Variants in SDK2 observed in about 807,000 individuals in gnomAD.
SDK2 encodes the protein protein sidekick-2.
In SDK2, 105 loss-of-function variants were observed where a neutral mutation model predicts 253.9. That is an observed-to-expected ratio of 0.41 (90% CI 0.35 to 0.49). The LOEUF (loss-of-function observed/expected upper bound fraction) is 0.49. SDK2 is among the 20% of genes least tolerant of loss of function. SDK2 has a pLI of 0.06. For synonymous variants in SDK2, 1,249 were observed against 1,234.9 expected, an observed-to-expected ratio of 1.01 and a Z score of -0.24; for missense variants, 2,608 against 3,003.0, an observed-to-expected ratio of 0.87 and a Z score of 3.07.
rs542181324 is a variant in SDK2 at position 73,443,354 on chromosome 17, C to T, written c.614-2431G>A. Among the ~76,000 whole-genome samples the T allele has an allele frequency of 9.2e-5, 14 of 152,328 alleles. No homozygotes were observed. The highest frequency in any genetic ancestry group is 2.6e-4 in the African/African-American group (11 of 41,566). On this transcript the variant is annotated intron_variant, in intron 5 of 44. Coordinates refer to ENST00000392650, the MANE Select transcript of SDK2 (RefSeq NM_001144952.2). The surrounding 1 kb of genome is among the most constrained non-coding windows in gnomAD (Gnocchi z 4.6). Reference sequence around the variant, plus strand: ...TAAAAGCCTCATGTAGGTGCCATAACGAGCGATCGGATTGAAAGCTGCTGA... The same window carrying T: ...TAAAAGCCTCATGTAGGTGCCATAATGAGCGATCGGATTGAAAGCTGCTGA...
intron 1 of SDK2, among the ~76,000 whole-genome samples, chr17:73,622,075 G>A (rs1171294200): frequency 6.6e-6 from 1 of 152,208 alleles, no homozygotes. Context: ...AATTGGTACA[G>A]ACCTGGACAC....
At chr17:73,522,667 C>A (rs1008506148) in intron 1 of SDK2, among the ~76,000 whole-genome samples, 1 of 152,202 alleles carries the variant, frequency 6.6e-6, no homozygotes, top group Non-Finnish European at 1.5e-5. Flanking sequence ...TTGCTTCTCT[C>A]GCTCAATGTC....
intron 2 of SDK2, among the ~76,000 whole-genome samples, chr17:73,478,110 C>T (rs1321289007): frequency 3.3e-5 from 5 of 152,284 alleles, no homozygotes; most frequent in South Asian, 2.1e-4. Context: ...AGGGAGGAAA[C>T]GACTGTCATT....
chr17:73,604,799 T>A (rs772599912), intron 1 of SDK2, among the ~76,000 whole-genome samples: 1 of 152,060 alleles, frequency 6.6e-6, no homozygotes, highest in Non-Finnish European at 1.5e-5. Context: ...CACGCCGAGG[T>A]CCAGGAGGTC....
Position 73,395,174 on chromosome 17 carries a change from C to T in SDK2, c.3573G>A (p.Val1191=). The part of the protein sequence containing the change: ...IGSGPWSQTV[V]GRTRESVPSS... The stretch of plus-strand genomic sequence containing the variant: ...TGGTACCTGACTCCCGGGTCCTGCC[C>T]ACCACCGTCTGGCTCCAGGGCCCGC... Residue 1191 remains valine (V), a synonymous_variant, in exon 25 of 45, where the codon GTG becomes GTA. Transcript: ENST00000392650. This position sits in a 1 kb window ranked among gnomAD's most constrained non-coding sequence, Gnocchi z 4.3. 4 of 1,600,684 alleles carry T rather than the reference C, an allele frequency of 2.5e-6. No homozygotes were observed. In the Admixed American group the frequency reaches 5.2e-5, roughly 21 times the overall value.
In SDK2 at chr17:73,644,217, G is replaced by T; in HGVS notation, c.-129C>A. ...CAGTCTACGCGGCTCCGTGCCCCGG[G>T]GTGTAATATGCCCGGGAGGGGCAGC... On this transcript the variant is annotated 5_prime_UTR_variant, in exon 1 of 45. Transcript: ENST00000392650. The surrounding 1 kb of genome is among the most constrained non-coding windows in gnomAD (Gnocchi z 6.3). 1 of 735,164 alleles carries T rather than the reference G, an allele frequency of 1.4e-6. No homozygotes were observed. The highest frequency in any genetic ancestry group is 2.3e-6 in the Non-Finnish European group (1 of 431,672). The allele number at this position is 735,164 out of a possible 1,614,324, so 45.5% of individuals were successfully genotyped here.
chr17:73,342,833 A>T (rs1256836280), intron 44 of SDK2, among the ~76,000 whole-genome samples: 1 of 151,824 alleles, frequency 6.6e-6, no homozygotes, highest in Non-Finnish European at 1.5e-5. Context: ...TCCATAGTTC[A>T]CAGGGTGAAA....
At chr17:73,592,505 A>C (rs1459750693) in intron 1 of SDK2, among the ~76,000 whole-genome samples, 3 of 152,188 alleles carry the variant, frequency 2.0e-5, no homozygotes, top group Non-Finnish European at 4.4e-5. Flanking sequence ...CTTCTTCCCC[A>C]TGCCCCCGGC....
intron 1 of SDK2, among the ~76,000 whole-genome samples, chr17:73,542,589 G>A (rs1005131369): frequency 2.0e-5 from 3 of 152,152 alleles, no homozygotes; most frequent in Non-Finnish European, 2.9e-5. Flanking sequence ...CTGGGCCTCC[G>A]TCCCCTCAAC....
rs149598672 is a variant in SDK2, at chr17:73,437,539, G to A, written c.1000+200C>T. Reference sequence around the variant, plus strand: ...TTTGTAACCCTCAAGTTTTGGTACCGTAAAGGTTGATTTCCAGCCTGAGAT... The same window carrying A: ...TTTGTAACCCTCAAGTTTTGGTACCATAAAGGTTGATTTCCAGCCTGAGAT... On this transcript the variant is annotated intron_variant, in intron 8 of 44. Transcript: ENST00000392650. 2.6e-4 allele frequency among the ~76,000 whole-genome samples: 39 copies of A among 152,262 alleles called. No individual in the cohort carries two copies. In the East Asian group the frequency reaches 7.3e-3, roughly 29 times the overall value.
chr17:73,538,939 C>T (rs926441890), intron 1 of SDK2, among the ~76,000 whole-genome samples: 2 of 152,210 alleles, frequency 1.3e-5, no homozygotes, highest in Admixed American at 6.5e-5. Flanking sequence ...CTCTAACCTT[C>T]AGGGCACTTA....
At chr17:73,586,953 C>T (rs1016715135) in intron 1 of SDK2, among the ~76,000 whole-genome samples, 2 of 152,176 alleles carry the variant, frequency 1.3e-5, no homozygotes, top group African/African-American at 2.4e-5. Context: ...GCCACTCTGA[C>T]CCTCAGTTTC....
intron 1 of SDK2, chr17:73,516,730 C>T (rs903624879): frequency 2.6e-5 from 4 of 152,358 alleles, no homozygotes; most frequent in East Asian, 1.9e-4. Context: ...CACCTTCTGA[C>T]GTTGGGAGCC....
chr17:73,357,697 A>T, intron 40 of SDK2: 1 of 329,236 alleles, frequency 3.0e-6, no homozygotes, highest in South Asian at 2.7e-5. Flanking sequence ...ATGATGGCAG[A>T]GACAGGGCTT....
chr17:73,578,530 C>A (rs1189419071), intron 1 of SDK2, among the ~76,000 whole-genome samples: 2 of 152,154 alleles, frequency 1.3e-5, no homozygotes, highest in East Asian at 3.9e-4. Flanking sequence ...AGGGTTGTGA[C>A]AATTAATGAC....
Position 73,372,929 on chromosome 17 carries a change from C to T in SDK2, c.4981-4336G>A, listed in dbSNP as rs1024596220. On this transcript the variant is annotated intron_variant, in intron 36 of 44. Coordinates refer to ENST00000392650, the MANE Select transcript of SDK2 (RefSeq NM_001144952.2). ...CTGAGCAAATTTCAAGTGTACAATACGGTATCATTAACTATCATCACCATG... is the reference window on the plus strand; with the variant it reads ...CTGAGCAAATTTCAAGTGTACAATATGGTATCATTAACTATCATCACCATG... Among the ~76,000 whole-genome samples the T allele has an allele frequency of 1.2e-4, 19 of 152,260 alleles. No homozygotes were observed. The East Asian group carries it at 1.9e-3, about 15-fold the overall frequency.
At chr17:73,596,628 T>C (rs2045762426) in intron 1 of SDK2, among the ~76,000 whole-genome samples, 1 of 152,110 alleles carries the variant, frequency 6.6e-6, no homozygotes, top group African/African-American at 2.4e-5. Flanking sequence ...GCCAACCCCC[T>C]TCCCAGTGGT....
At chr17:73,586,458 G>A (rs78725178) in intron 1 of SDK2, among the ~76,000 whole-genome samples, 3,386 of 152,098 alleles carry the variant, frequency 0.022, 96 homozygotes, top group African/African-American at 0.068. Context: ...CTCTCCCTTC[G>A]CGCCAGTGTA....
rs569426364 is a variant in SDK2, at chr17:73,440,173, T to G, written c.725+639A>C. On this transcript the variant is annotated intron_variant, in intron 6 of 44. Coordinates refer to ENST00000392650, the MANE Select transcript of SDK2 (RefSeq NM_001144952.2). ...ACCAGGCTGGAGTGCAATGGTGCAA[T>G]CTCAGCTCACTGTAACCTCCGCCTC... 1.2e-4 allele frequency among the ~76,000 whole-genome samples: 18 copies of G among 150,618 alleles called. No homozygotes were observed. The South Asian group carries it at 3.8e-3, about 32-fold the overall frequency.
Sources: allele counts gnomAD v4.1 joint callset (sites outside exome capture counted in the v4.1 genomes callset), GRCh38; gene constraint gnomAD v4.1.1; non-coding constraint Gnocchi (gnomAD v3.1); transcripts MANE v1.5; gene names NCBI Gene and HGNC (gene_info 2026-07-23, HGNC 2026-07-21).